Variants in TMEM132C observed in about 807,000 individuals in gnomAD.
TMEM132C encodes the protein transmembrane protein 132C, also known as protein phosphatase 1, regulatory subunit 152.
TMEM132C carries 29 observed loss-of-function variants against 61.4 expected under a neutral mutation model. That is an observed-to-expected ratio of 0.47 (90% CI 0.35 to 0.64). The LOEUF (loss-of-function observed/expected upper bound fraction) is 0.64. Ranked by LOEUF, TMEM132C falls within the 30% of genes least tolerant of loss-of-function variation. TMEM132C has a pLI of 0.00. For synonymous variants in TMEM132C, 656 were observed against 633.1 expected, an observed-to-expected ratio of 1.04 and a Z score of -0.54; for missense variants, 1,408 against 1,476.9, an observed-to-expected ratio of 0.95 and a Z score of 0.76.
At chr12:128,518,477 A>G (rs571862008) in intron 2 of TMEM132C, among the ~76,000 whole-genome samples, 3 of 152,342 alleles carry the variant, frequency 2.0e-5, no homozygotes, top group African/African-American at 7.2e-5. Context: ...TTCAGAAGGA[A>G]GAAGGTACCC....
chr12:128,352,756 A>G (rs1169347900), intron 1 of TMEM132C, among the ~76,000 whole-genome samples: 1 of 152,222 alleles, frequency 6.6e-6, no homozygotes, highest in Non-Finnish European at 1.5e-5. Flanking sequence ...ACAGCTCTGT[A>G]GCTACTTTGC....
intron 2 of TMEM132C, among the ~76,000 whole-genome samples, chr12:128,529,459 G>A (rs563713980): frequency 9.2e-5 from 14 of 152,228 alleles, no homozygotes; most frequent in African/African-American, 3.4e-4. Context: ...TGAAAACGTG[G>A]GAGACACTTC....
chr12:128,555,133 A>C (rs1565973102), intron 3 of TMEM132C, among the ~76,000 whole-genome samples: 2 of 152,208 alleles, frequency 1.3e-5, no homozygotes, highest in African/African-American at 4.8e-5. Flanking sequence ...TAAAACGAGA[A>C]GGCTCTTTCC....
intron 1 of TMEM132C, among the ~76,000 whole-genome samples, chr12:128,351,245 T>G (rs75393634): frequency 6.6e-6 from 1 of 152,162 alleles, no homozygotes; most frequent in East Asian, 1.9e-4. Context: ...TTTTAAAGGC[T>G]CACTCTGTGT....
chr12:128,680,065 G>T (rs190554009), intron 5 of TMEM132C, among the ~76,000 whole-genome samples: 14 of 152,172 alleles, frequency 9.2e-5, no homozygotes, highest in Non-Finnish European at 2.1e-4. Flanking sequence ...GGAGGATGAA[G>T]AGTAAGAAGA....
chr12:128,678,528 G>A (rs975420587), intron 5 of TMEM132C, among the ~76,000 whole-genome samples: 46 of 152,216 alleles, frequency 3.0e-4, no homozygotes, highest in African/African-American at 1.1e-3. Flanking sequence ...GCCTACCCCA[G>A]AAGATTGTTT....
chr12:128,579,395 G>A (rs1049927925), intron 3 of TMEM132C, among the ~76,000 whole-genome samples: 2 of 152,282 alleles, frequency 1.3e-5, no homozygotes, highest in African/African-American at 4.8e-5. Context: ...CTGAAAAACT[G>A]TCACTTTGTG....
chr12:128,289,425 A>G (rs1047763962), intron 1 of TMEM132C, among the ~76,000 whole-genome samples: 23 of 152,346 alleles, frequency 1.5e-4, no homozygotes, highest in Admixed American at 1.4e-3. Context: ...CTGTTAGTAC[A>G]TCTATTTGCG....
intron 1 of TMEM132C, among the ~76,000 whole-genome samples, chr12:128,328,701 C>T (rs573585323): frequency 1.1e-4 from 16 of 149,240 alleles, no homozygotes; most frequent in Non-Finnish European, 1.9e-4. Flanking sequence ...GTAGGAGACT[C>T]GCTTGAACCC....
At chr12:128,462,516 T>C (rs1387814501) in intron 2 of TMEM132C, among the ~76,000 whole-genome samples, 2 of 152,194 alleles carry the variant, frequency 1.3e-5, no homozygotes, top group Non-Finnish European at 1.5e-5. Context: ...TTGTTTGTAA[T>C]GTGAAGTCGA....
At chr12:128,526,445 C>T (rs4882701) in intron 2 of TMEM132C, among the ~76,000 whole-genome samples, 143,819 of 152,222 alleles carry the variant, frequency 0.94, 68,408 homozygotes, top group East Asian at 1. Flanking sequence ...ATGAGGGTTC[C>T]ACCCTGGGGA....
chr12:128,619,181 A>T (rs952452955), intron 4 of TMEM132C, among the ~76,000 whole-genome samples: 1 of 152,228 alleles, frequency 6.6e-6, no homozygotes. Context: ...CTTTGAACCA[A>T]TTAAGCATAT....
chr12:128,448,545 G>GTC (rs1870069263), intron 2 of TMEM132C, among the ~76,000 whole-genome samples: 1 of 152,136 alleles, frequency 6.6e-6, no homozygotes. Flanking sequence ...AAGAGAAAGA[G>GTC]TCGAGCCAAT....
At chr12:128,462,015 G>A (rs575979149) in intron 2 of TMEM132C, among the ~76,000 whole-genome samples, 3 of 152,330 alleles carry the variant, frequency 2.0e-5, no homozygotes, top group African/African-American at 4.8e-5. Flanking sequence ...CAGAAGGTGG[G>A]TGCCTTCTTC....
At chr12:128,357,424 C>T (rs753869027) in intron 1 of TMEM132C, among the ~76,000 whole-genome samples, 13 of 152,096 alleles carry the variant, frequency 8.5e-5, no homozygotes, top group Non-Finnish European at 1.3e-4. Context: ...AGGCCGGGCA[C>T]GGTGGCTCAT....
chr12:128,616,519 C>T (rs541315898), intron 4 of TMEM132C, among the ~76,000 whole-genome samples, 184 bp downstream of exon 4: 31 of 152,288 alleles, frequency 2.0e-4, no homozygotes, highest in African/African-American at 7.0e-4. Context: ...CAACTTTAGT[C>T]ATGAAGTTTA....
chr12:128,663,813 T>C (rs1044799611), intron 4 of TMEM132C, among the ~76,000 whole-genome samples: 5 of 149,108 alleles, frequency 3.4e-5, no homozygotes, highest in Admixed American at 3.3e-4. Context: ...TACAGGCACA[T>C]GCACCCACAT....
intron 3 of TMEM132C, among the ~76,000 whole-genome samples, chr12:128,590,601 G>T (rs1313671244): frequency 6.6e-6 from 1 of 152,086 alleles, no homozygotes; most frequent in Non-Finnish European, 1.5e-5. Context: ...CCTCAGTCTT[G>T]GCAACTCCCT....
intron 5 of TMEM132C, among the ~76,000 whole-genome samples, chr12:128,684,341 C>G (rs1311594179): frequency 6.6e-6 from 1 of 151,874 alleles, no homozygotes; most frequent in Non-Finnish European, 1.5e-5. Context: ...AGTGCAAACT[C>G]TAGCACAACA....
Sources: allele counts gnomAD v4.1 joint callset (sites outside exome capture counted in the v4.1 genomes callset), GRCh38; gene constraint gnomAD v4.1.1; transcripts MANE v1.5; gene names NCBI Gene and HGNC (gene_info 2026-07-23, HGNC 2026-07-21).